KCNA1: variants seen among roughly 807,000 people sequenced by gnomAD.
KCNA1 encodes the protein potassium channel, voltage gated shaker related subfamily A, member 1.
In KCNA1, 19 loss-of-function variants were observed where a neutral mutation model predicts 28.8. The ratio of observed to expected loss-of-function variants is 0.66; its 90% CI spans 0.46 to 0.97. The LOEUF (loss-of-function observed/expected upper bound fraction) is 0.97, where lower values mean the gene tolerates loss of function less well. KCNA1 is among the 50% of genes least tolerant of loss of function. The pLI is 0.00. For missense variants in KCNA1, 419 were observed against 659.7 expected (o/e 0.64, Z 4.00); for synonymous variants, 311 against 268.8 (o/e 1.16, Z -1.53).
In KCNA1 at chr12:4,910,423, C is replaced by G. The variant is rs918014414; in HGVS notation, c.-589C>G. The G allele has an allele frequency of 1.3e-5, 2 of 150,540 alleles. No individual in the cohort carries two copies. Among genetic ancestry groups the G allele is most frequent in the Admixed American group, 1.3e-4 (2 of 15,136 alleles). 9.3% of individuals were successfully genotyped at this position (150,540 alleles called of 1,614,324 possible). On this transcript the variant is annotated 5_prime_UTR_variant, in exon 1 of 2. Coordinates refer to ENST00000382545, the MANE Select transcript of KCNA1 (RefSeq NM_000217.3). This position sits in a 1 kb window ranked among gnomAD's most constrained non-coding sequence, Gnocchi z 4.9. ...AAAGACGACCTGCCGCATTCCCACT[C>G]GGGCTCTCCGCTGACTCAGCACCGC...
rs1280329788 is a variant in KCNA1 at position 4,916,953 on chromosome 12, C to T, written c.*4087C>T. On this transcript the variant is annotated 3_prime_UTR_variant, in exon 2 of 2. Coordinates refer to ENST00000382545, the MANE Select transcript of KCNA1 (RefSeq NM_000217.3). ...ATTTAATATAGGAGACCTCAAAACA[C>T]ATGCTTTTTAACAATTTTACATTTT... The T allele has an allele frequency of 1.2e-5, 2 of 167,004 alleles. No individual in the cohort carries two copies. The highest frequency in any genetic ancestry group is 2.9e-5 in the Non-Finnish European group (2 of 68,116). 10.3% of individuals were successfully genotyped at this position (167,004 alleles called of 1,614,324 possible). A position where few individuals can be genotyped will look rare whatever the true frequency, so the allele number is the denominator to read the frequency against.
rs751980892 is a variant in KCNA1, at chr12:4,911,729, C to A, written c.351C>A (p.Ile117=). 2 of 1,614,140 alleles carry A rather than the reference C, an allele frequency of 1.2e-6. No individual in the cohort carries two copies. The highest frequency in any genetic ancestry group is 1.7e-5 in the Admixed American group (1 of 60,020). ...NVPLDMFSEE[I]KFYELGEEAM... The stretch of plus-strand genomic sequence containing the variant: ...CCCTGGACATGTTCTCCGAGGAGAT[C>A]AAGTTTTACGAGTTGGGCGAGGAGG... Residue 117 remains isoleucine, a synonymous_variant, in exon 2 of 2, where the codon ATC becomes ATA. Coordinates refer to ENST00000382545, the MANE Select transcript of KCNA1 (RefSeq NM_000217.3). The surrounding 1 kb of genome is among the most constrained non-coding windows in gnomAD (Gnocchi z 6.6).
In KCNA1 at chr12:4,914,317, A is replaced by G. The variant is rs1202504632; in HGVS notation, c.*1451A>G. ...ACAAGCAACACAAACAAGCAAACAA[A>G]CAAACAAACAAAAAGGTGCAATACT... is the stretch of plus-strand genomic sequence containing the variant. On this transcript the variant is annotated 3_prime_UTR_variant, in exon 2 of 2. Coordinates refer to ENST00000382545, the MANE Select transcript of KCNA1 (RefSeq NM_000217.3). 6.0e-6 allele frequency: 1 copy of G among 167,058 alleles called. No homozygotes were observed. The highest frequency in any genetic ancestry group is 6.5e-5 in the Admixed American group (1 of 15,292). The allele number at this position is 167,058 out of a possible 1,614,324, so 10.3% of individuals were successfully genotyped here.
rs1321989764 is a variant in KCNA1, at chr12:4,914,153, AG to A, written c.*1289del. 1 of 167,110 alleles carries A rather than the reference AG, an allele frequency of 6.0e-6. No homozygotes were observed. Among genetic ancestry groups the A allele is most frequent in the Non-Finnish European group, 1.5e-5 (1 of 68,134 alleles). 10.4% of individuals were successfully genotyped at this position (167,110 alleles called of 1,614,324 possible). On this transcript the variant is annotated 3_prime_UTR_variant, in exon 2 of 2. Transcript: ENST00000382545. The stretch of plus-strand genomic sequence containing the variant: ...TCCTGCCTTTGCTCAGGGAAATACC[AG>A]GTTTTTGTGCAGGTATAGGCGGAGA...
Position 4,911,358 on chromosome 12 carries a change from C to A in KCNA1, c.-21C>A, listed in dbSNP as rs752344044. 4.4e-6 allele frequency: 7 copies of A among 1,608,960 alleles called. 1 individual carries two copies. Among genetic ancestry groups the A allele is most frequent in the African/African-American group, 4.0e-5 (3 of 74,772 alleles). ...CCCCGGGCTCTCTCCTGGCCTCCCA[C>A]CCCCGCGCCCGGCTTCCACCATGAC... On this transcript the variant is annotated 5_prime_UTR_variant, in exon 2 of 2. Transcript: ENST00000382545. The surrounding 1 kb of genome is among the most constrained non-coding windows in gnomAD (Gnocchi z 6.6).
rs906932631 is a variant in KCNA1 at position 4,912,040 on chromosome 12, T to C, written c.662T>C (p.Phe221Ser). Residue 221 changes from phenylalanine (F) to serine (S), a missense_variant, in exon 2 of 2, where the codon TTC becomes TCC. By Grantham distance (155) the Phe-to-Ser change is radical (BLOSUM62 -2). Around this residue, in one of 4 missense-constraint regions of KCNA1, gnomAD observed 217 missense variants for 329.6 expected, o/e 0.66. Transcript: ENST00000382545. ...IYNSNIFTDPFFIVETLCIIW... is the reference protein window; with the variant it reads ...IYNSNIFTDPSFIVETLCIIW... Reference sequence around the variant, plus strand: ...AATTCCAACATCTTCACAGACCCCTTCTTCATCGTGGAAACGCTGTGTATC... The same window carrying C: ...AATTCCAACATCTTCACAGACCCCTCCTTCATCGTGGAAACGCTGTGTATC... 6.2e-7 allele frequency: 1 copy of C among 1,613,948 alleles called. No homozygotes were observed. The highest frequency in any genetic ancestry group is 1.3e-5 in the African/African-American group (1 of 74,884).
At position 4,912,077 on chromosome 12, in the gene KCNA1, C is replaced by T. The variant is rs1476899085; in HGVS notation, c.699C>T (p.Ser233=). The T allele has an allele frequency of 1.9e-6, 3 of 1,614,062 alleles. No homozygotes were observed. The highest frequency in any genetic ancestry group is 2.2e-5 in the East Asian group (1 of 44,886). ...IVETLCIIWF[S]FELVVRFFAC... is the part of the protein sequence containing the mutation. Reference sequence around the variant, plus strand: ...AAACGCTGTGTATCATCTGGTTCTCCTTCGAGCTGGTGGTGCGCTTCTTCG... The same window carrying T: ...AAACGCTGTGTATCATCTGGTTCTCTTTCGAGCTGGTGGTGCGCTTCTTCG... The change falls in exon 2 of 2, where the codon TCC becomes TCT. Residue 233 remains serine, a synonymous_variant. Transcript: ENST00000382545.
Position 4,911,736 on chromosome 12 carries a change from T to G in KCNA1, c.358T>G (p.Tyr120Asp). Residue 120 changes from tyrosine to aspartate, a missense_variant, in exon 2 of 2, where the codon TAC (tyrosine) becomes GAC (aspartate). Physicochemically the swap from Tyr to Asp is radical, Grantham distance 160. Around this residue, in one of 4 missense-constraint regions of KCNA1, gnomAD observed 217 missense variants for 329.6 expected, o/e 0.66. Transcript: ENST00000382545. This position sits in a 1 kb window ranked among gnomAD's most constrained non-coding sequence, Gnocchi z 6.6. ...LDMFSEEIKF[Y>D]ELGEEAMEKF... ...CATGTTCTCCGAGGAGATCAAGTTT[T>G]ACGAGTTGGGCGAGGAGGCCATGGA... 2 of 1,614,130 alleles carry G rather than the reference T, an allele frequency of 1.2e-6. No individual in the cohort carries two copies. The highest frequency in any genetic ancestry group is 1.7e-6 in the Non-Finnish European group (2 of 1,180,028).
rs1371745782 is a variant in KCNA1 at position 4,916,600 on chromosome 12, G to T, written c.*3734G>T. ...TTTCAGTTATATCAGCTCATTGGGAGTGTGTTCGTGGGTGAGCCTTGCAGA... is the reference window on the plus strand; with the variant it reads ...TTTCAGTTATATCAGCTCATTGGGATTGTGTTCGTGGGTGAGCCTTGCAGA... On this transcript the variant is annotated 3_prime_UTR_variant, in exon 2 of 2. Transcript: ENST00000382545. The T allele has an allele frequency of 1.2e-5, 2 of 167,100 alleles. No homozygotes were observed. Among genetic ancestry groups the T allele is most frequent in the Admixed American group, 6.5e-5 (1 of 15,292 alleles). The allele number at this position is 167,100 out of a possible 1,614,324, so 10.4% of individuals were successfully genotyped here.
chr12:4,911,853 T>C lies in KCNA1; in HGVS notation c.475T>C (p.Tyr159His), dbSNP rs764645312. The part of the protein sequence containing the change: ...YQRQVWLLFE[Y>H]PESSGPARVI... ...GCGCCAGGTGTGGCTGCTCTTCGAG[T>C]ACCCCGAGAGCTCGGGGCCCGCCAG... Residue 159 changes from tyrosine (Y) to histidine (H), a missense_variant, in exon 2 of 2, where the codon TAC becomes CAC. Coordinates refer to ENST00000382545, the MANE Select transcript of KCNA1 (RefSeq NM_000217.3). The surrounding 1 kb of genome is among the most constrained non-coding windows in gnomAD (Gnocchi z 6.6). 5.6e-6 allele frequency: 9 copies of C among 1,613,674 alleles called. No homozygotes were observed. In the Admixed American group the frequency reaches 1.2e-4, roughly 21 times the overall value.
In KCNA1 at chr12:4,911,645, C is replaced by T. The variant is rs371963908; in HGVS notation, c.267C>T (p.Phe89=). Reference sequence around the variant, plus strand: ...TCTTCGACCGCAACCGGCCCAGCTTCGACGCCATCCTCTACTACTACCAGT... The same window carrying T: ...TCTTCGACCGCAACCGGCCCAGCTTTGACGCCATCCTCTACTACTACCAGT... ...EYFFDRNRPS[F]DAILYYYQSG... Residue 89 remains phenylalanine, a synonymous_variant, in exon 2 of 2, where the codon TTC becomes TTT. Transcript: ENST00000382545. This position sits in a 1 kb window ranked among gnomAD's most constrained non-coding sequence, Gnocchi z 6.6. 6 of 1,614,080 alleles carry T rather than the reference C, an allele frequency of 3.7e-6. No individual in the cohort carries two copies. The highest frequency in any genetic ancestry group is 4.2e-6 in the Non-Finnish European group (5 of 1,180,038).
chr12:4,912,887 A>G lies in KCNA1; in HGVS notation c.*21A>G. 1 of 1,544,000 alleles carries G rather than the reference A, an allele frequency of 6.5e-7. No homozygotes were observed. The highest frequency in any genetic ancestry group is 1.1e-5 in the South Asian group (1 of 89,524). Reference sequence around the variant, plus strand: ...TTTAAAAAACAAAGGCAAGCAAACAAAAAAGCCCCACTTAGCAGCTCAAAA... The same window carrying G: ...TTTAAAAAACAAAGGCAAGCAAACAGAAAAGCCCCACTTAGCAGCTCAAAA... On this transcript the variant is annotated 3_prime_UTR_variant, in exon 2 of 2. Coordinates refer to ENST00000382545, the MANE Select transcript of KCNA1 (RefSeq NM_000217.3).
At position 4,916,014 on chromosome 12, in the gene KCNA1, A is replaced by G. The variant is rs1175744894; in HGVS notation, c.*3148A>G. ...CTTAGCTCATCTGTAGCTCATTGCA[A>G]TGAATTCAGTAAGAATGGAGTACAG... On this transcript the variant is annotated 3_prime_UTR_variant, in exon 2 of 2. Transcript: ENST00000382545. 1.2e-5 allele frequency: 2 copies of G among 167,092 alleles called. No individual in the cohort carries two copies. Among genetic ancestry groups the G allele is most frequent in the South Asian group, 2.1e-4 (1 of 4,828 alleles). The allele number at this position is 167,092 out of a possible 1,614,324, so 10.4% of individuals were successfully genotyped here. A position where few individuals can be genotyped will look rare whatever the true frequency, so the allele number is the denominator to read the frequency against.
At position 4,916,311 on chromosome 12, in the gene KCNA1, C is replaced by T. The variant is rs1947386052; in HGVS notation, c.*3445C>T. 1 of 167,070 alleles carries T rather than the reference C, an allele frequency of 6.0e-6. No homozygotes were observed. The highest frequency in any genetic ancestry group is 2.4e-5 in the African/African-American group (1 of 41,416). The allele number at this position is 167,070 out of a possible 1,614,324, so 10.3% of individuals were successfully genotyped here. A position where few individuals can be genotyped will look rare whatever the true frequency, so the allele number is the denominator to read the frequency against. On this transcript the variant is annotated 3_prime_UTR_variant, in exon 2 of 2. Coordinates refer to ENST00000382545, the MANE Select transcript of KCNA1 (RefSeq NM_000217.3). The stretch of plus-strand genomic sequence containing the variant: ...TCTGATGTGCTGATAGCTATAATTC[C>T]TCTCTTCCAGTCTATTGGGGCCCTA...
Position 4,912,204 on chromosome 12 carries a change from C to G in KCNA1, c.826C>G (p.Gln276Glu). The change falls in exon 2 of 2, where the codon CAG (glutamine) becomes GAG (glutamate). Residue 276 changes from glutamine (Q) to glutamate (E), a missense_variant. Around this residue, in one of 4 missense-constraint regions of KCNA1, gnomAD observed 217 missense variants for 329.6 expected, o/e 0.66. Transcript: ENST00000382545. ...FITLGTEIAEQEGNQKGEQAT... is the reference protein window; with the variant it reads ...FITLGTEIAEEEGNQKGEQAT... ...CACGCTGGGCACCGAGATAGCTGAG[C>G]AGGAAGGAAACCAGAAGGGCGAGCA... 1 of 1,612,882 alleles carries G rather than the reference C, an allele frequency of 6.2e-7. No homozygotes were observed. The highest frequency in any genetic ancestry group is 8.5e-7 in the Non-Finnish European group (1 of 1,179,664).
In KCNA1 at chr12:4,913,132, A is replaced by G. The variant is rs954637716; in HGVS notation, c.*266A>G. 1 of 487,238 alleles carries G rather than the reference A, an allele frequency of 2.1e-6. No homozygotes were observed. Among genetic ancestry groups the G allele is most frequent in the East Asian group, 4.1e-5 (1 of 24,626 alleles). 30.2% of individuals were successfully genotyped at this position (487,238 alleles called of 1,614,324 possible). A position where few individuals can be genotyped will look rare whatever the true frequency, so the allele number is the denominator to read the frequency against. On this transcript the variant is annotated 3_prime_UTR_variant, in exon 2 of 2. Coordinates refer to ENST00000382545, the MANE Select transcript of KCNA1 (RefSeq NM_000217.3). ...GAGTATTTTCTAAAACTGGCTTAAA[A>G]AGATTCAGTCCACGAACTAGTCTAG...
rs1565434733 is a variant in KCNA1, at chr12:4,915,936, T to G, written c.*3070T>G. 6.0e-6 allele frequency: 1 copy of G among 167,162 alleles called. No individual in the cohort carries two copies. Among genetic ancestry groups the G allele is most frequent in the African/African-American group, 2.4e-5 (1 of 41,466 alleles). 10.4% of individuals were successfully genotyped at this position (167,162 alleles called of 1,614,324 possible). ...TGCGGTGAACCTGTCAGTCTGGGAC[T>G]GGGGGTGAGTTGTTGTTATGAGTTT... On this transcript the variant is annotated 3_prime_UTR_variant, in exon 2 of 2. Coordinates refer to ENST00000382545, the MANE Select transcript of KCNA1 (RefSeq NM_000217.3).
Position 4,917,535 on chromosome 12 carries a change from T to C in KCNA1, c.*4669T>C, listed in dbSNP as rs1947392732. The C allele has an allele frequency of 6.0e-6, 1 of 167,090 alleles. No homozygotes were observed. Among genetic ancestry groups the C allele is most frequent in the Non-Finnish European group, 1.5e-5 (1 of 68,134 alleles). The allele number at this position is 167,090 out of a possible 1,614,324, so 10.4% of individuals were successfully genotyped here. A position where few individuals can be genotyped will look rare whatever the true frequency, so the allele number is the denominator to read the frequency against. ...TGCCAGCCTCTTTGCTCAGGCAAAA[T>C]GACCCTGGGCTTTCTTGGGAAGTCC... On this transcript the variant is annotated 3_prime_UTR_variant, in exon 2 of 2. Coordinates refer to ENST00000382545, the MANE Select transcript of KCNA1 (RefSeq NM_000217.3).
rs1947349264 is a variant in KCNA1, at chr12:4,911,297, G to T, written c.-82G>T. ...GCGCGCTCCGGTGGGGGGGCCGCTTGGGTCCCCCCCACCCCTGGTCCCTGG... is the reference window on the plus strand; with the variant it reads ...GCGCGCTCCGGTGGGGGGGCCGCTTTGGTCCCCCCCACCCCTGGTCCCTGG... On this transcript the variant is annotated 5_prime_UTR_variant, in exon 2 of 2. Coordinates refer to ENST00000382545, the MANE Select transcript of KCNA1 (RefSeq NM_000217.3). The surrounding 1 kb of genome is among the most constrained non-coding windows in gnomAD (Gnocchi z 6.6). 2.7e-6 allele frequency: 3 copies of T among 1,112,844 alleles called. No homozygotes were observed. Among genetic ancestry groups the T allele is most frequent in the South Asian group, 1.4e-5 (1 of 73,442 alleles). 68.9% of individuals were successfully genotyped at this position (1,112,844 alleles called of 1,614,324 possible).
Sources: gnomAD v4.1 joint callset for allele counts on GRCh38, gnomAD v4.1.1 for gene constraint, gnomAD v4.1.1 regional missense constraint, Gnocchi (gnomAD v3.1) non-coding constraint, MANE v1.5 for transcripts, NCBI Gene and HGNC (gene_info 2026-07-23, HGNC 2026-07-21) for gene names.